CNTFR: variants seen among roughly 807,000 people sequenced by gnomAD.
CNTFR encodes the protein ciliary neurotrophic factor receptor, also known as ciliary neurotrophic factor receptor subunit alpha.
Under a neutral mutation model 40.4 loss-of-function variants are expected in CNTFR, and 12 were observed. The observed-to-expected ratio is 0.30, with a 90% CI of 0.19 to 0.48. The LOEUF (loss-of-function observed/expected upper bound fraction) is 0.48, where lower values mean the gene tolerates loss of function less well. Ranked by LOEUF, CNTFR falls within the 20% of genes least tolerant of loss-of-function variation. The probability of loss-of-function intolerance (pLI) is 0.99; values close to 1 mark genes in which losing one functional copy is unlikely to be tolerated. For missense variants in CNTFR, 414 were observed against 506.8 expected (o/e 0.82, Z 1.76); for synonymous variants, 202 against 209.6 (o/e 0.96, Z 0.31).
At chr9:34,561,114 C>A (rs1345624651) in intron 4 of CNTFR, among the ~76,000 whole-genome samples, 1 of 152,186 alleles carries the variant, frequency 6.6e-6, no homozygotes, top group East Asian at 1.9e-4. Context: ...AAGGCTCAGG[C>A]CTGGCTCAGC....
Position 34,564,599 on chromosome 9 carries a change from A to G in CNTFR, c.319T>C (p.Leu107=), listed in dbSNP as rs1418969169. 7 of 1,607,070 alleles carry G rather than the reference A, an allele frequency of 4.4e-6. No homozygotes were observed. The highest frequency in any genetic ancestry group is 5.9e-6 in the Non-Finnish European group (7 of 1,176,820). The part of the protein sequence containing the change: ...LRHQVLLHVG[L]PPREPVLSCR... Reference sequence around the variant, plus strand: ...GATGAGGGGTGGGGGCAACACTTACAGCCCACATGCAGCAGGACTTGGTGG... The same window carrying G: ...GATGAGGGGTGGGGGCAACACTTACGGCCCACATGCAGCAGGACTTGGTGG... The change falls in exon 4 of 10, where the codon TTG becomes CTG. Residue 107 remains leucine, a splice_region_variant and synonymous_variant. Transcript: ENST00000378980.
chr9:34,578,297 G>A (rs1587165237), intron 2 of CNTFR, among the ~76,000 whole-genome samples: 1 of 152,360 alleles, frequency 6.6e-6, no homozygotes, highest in Middle Eastern at 3.4e-3. Context: ...GCGAGCTAGC[G>A]GAGGGAGAGT....
At chr9:34,574,745 T>C (rs556903108) in intron 2 of CNTFR, among the ~76,000 whole-genome samples, 1 of 152,214 alleles carries the variant, frequency 6.6e-6, no homozygotes, top group East Asian at 1.9e-4. Context: ...TTCCGATGGA[T>C]TTTGGCAGCG....
chr9:34,571,558 G>GCGCA (rs1343239596), intron 2 of CNTFR: 1 of 107,634 alleles, frequency 9.3e-6, no homozygotes, highest in Non-Finnish European at 2.1e-5. Context: ...GCACGCGTGC[G>GCGCA]CATACACACA....
chr9:34,588,779 G>A (rs930900782), intron 1 of CNTFR, among the ~76,000 whole-genome samples: 2 of 152,308 alleles, frequency 1.3e-5, no homozygotes, highest in African/African-American at 4.8e-5. Context: ...GAGAGGGAGA[G>A]CTGTCCGTCT....
chr9:34,585,864 C>T (rs77895026), intron 1 of CNTFR, among the ~76,000 whole-genome samples: 4,347 of 152,286 alleles, frequency 0.029, 170 homozygotes, highest in East Asian at 0.085. Context: ...CATGGTCCCC[C>T]CTAACCCATC....
At chr9:34,553,219 G>A (rs540247586) in intron 7 of CNTFR, among the ~76,000 whole-genome samples, 2 of 152,286 alleles carry the variant, frequency 1.3e-5, no homozygotes, top group Admixed American at 1.3e-4. Context: ...CAGCCTGGAG[G>A]TGGCAAGGGC....
chr9:34,569,105 C>T, intron 2 of CNTFR, 124 bp from the exon 3 acceptor site: 1 of 853,522 alleles, frequency 1.2e-6, no homozygotes, highest in Non-Finnish European at 1.8e-6. Context: ...GAGAGGCCCT[C>T]ACCCGCTCTG....
rs186424653 is a variant in CNTFR at position 34,571,044 on chromosome 9, G to A, written c.1-2063C>T. On this transcript the variant is annotated intron_variant, in intron 2 of 9. Coordinates refer to ENST00000378980, the MANE Select transcript of CNTFR (RefSeq NM_147164.3). ...CTAAGTGGCCCCAGCTACCCTTTGC[G>A]CATCAGTGACTCCTGGAGCCTTAGC... is the stretch of plus-strand genomic sequence containing the variant. Among the ~76,000 whole-genome samples the A allele has an allele frequency of 4.7e-4, 71 of 152,184 alleles. 2 individuals are homozygous for A. The highest frequency in any genetic ancestry group is 3.2e-3 in the Admixed American group (49 of 15,290).
At chr9:34,563,993 C>T (rs937765568) in intron 4 of CNTFR, among the ~76,000 whole-genome samples, 2 of 152,220 alleles carry the variant, frequency 1.3e-5, no homozygotes, top group African/African-American at 4.8e-5. Flanking sequence ...CACATCAACA[C>T]CAGCCCAAGT....
chr9:34,585,939 G>A (rs1264179676), intron 1 of CNTFR, among the ~76,000 whole-genome samples: 1 of 152,212 alleles, frequency 6.6e-6, no homozygotes, highest in Admixed American at 6.5e-5. Context: ...CGCCATGGGG[G>A]GGCAGAGAGC....
At chr9:34,572,577 A>G (rs1475331345) in intron 2 of CNTFR, among the ~76,000 whole-genome samples, 2 of 152,022 alleles carry the variant, frequency 1.3e-5, no homozygotes, top group Non-Finnish European at 2.9e-5. Context: ...GGGTCCCTGC[A>G]CCTCTCCCAG....
chr9:34,553,052 AGGAGG>A (rs1825702013), intron 7 of CNTFR, among the ~76,000 whole-genome samples, 198 bp from the exon 8 acceptor site: 1 of 152,166 alleles, frequency 6.6e-6, no homozygotes, highest in Non-Finnish European at 1.5e-5. Context: ...GAGACTCCAC[AGGAGG>A]GGAGTTGTCC....
intron 4 of CNTFR, among the ~76,000 whole-genome samples, chr9:34,560,769 C>A (rs1374516750): frequency 6.6e-6 from 1 of 152,246 alleles, no homozygotes; most frequent in African/African-American, 2.4e-5. Flanking sequence ...TGACTGTCAG[C>A]CTGTGGCAGG....
Position 34,589,601 on chromosome 9 carries a change from C to A in CNTFR, c.-158G>T, listed in dbSNP as rs564051772. On this transcript the variant is annotated 5_prime_UTR_variant, in exon 1 of 10. Transcript: ENST00000378980. This position sits in a 1 kb window ranked among gnomAD's most constrained non-coding sequence, Gnocchi z 4.4. ...CTTCGCGCCGCGCCTTCCGACCGCC[C>A]CCGGCAGCGAGCGAGGCAGGGAGCG... 6.6e-6 allele frequency: 1 copy of A among 152,406 alleles called. No individual in the cohort carries two copies. The highest frequency in any genetic ancestry group is 1.8e-4 in the South Asian group (1 of 5,646). The allele number at this position is 152,406 out of a possible 1,614,324, so 9.4% of individuals were successfully genotyped here.
intron 1 of CNTFR, among the ~76,000 whole-genome samples, chr9:34,586,986 G>C (rs1334457335): frequency 1.3e-5 from 2 of 152,344 alleles, no homozygotes; most frequent in Admixed American, 6.5e-5. Context: ...CACAATCTTA[G>C]TGTGGATCTG....
rs777328804 is a variant in CNTFR at position 34,564,750 on chromosome 9, C to T, written c.168G>A (p.Thr56=). 53 of 1,614,002 alleles carry T rather than the reference C, an allele frequency of 3.3e-5. No homozygotes were observed. The highest frequency in any genetic ancestry group is 4.0e-5 in the Non-Finnish European group (47 of 1,180,020). The change falls in exon 4 of 10, where the codon ACG becomes ACA. Residue 56 remains threonine, a synonymous_variant. Coordinates refer to ENST00000378980, the MANE Select transcript of CNTFR (RefSeq NM_147164.3). The stretch of plus-strand genomic sequence containing the variant: ...CCAGGTCTGTCCCATTTACCCGCCA[C>T]GTCACCGCAGCATCCCAGTTTGCTG... ...CGTANWDAAV[T]WRVNGTDLAP...
At chr9:34,571,441 TGAG>T (rs1273160970) in intron 2 of CNTFR, 1 of 152,282 alleles carries the variant, frequency 6.6e-6, no homozygotes, top group Non-Finnish European at 1.5e-5. Context: ...GCGGAGTGGC[TGAG>T]GTTAGATCCA....
At position 34,589,054 on chromosome 9, in the gene CNTFR, C is replaced by A. The variant is rs375997843; in HGVS notation, c.-112+501G>T. 6.6e-6 allele frequency among the ~76,000 whole-genome samples: 1 copy of A among 151,808 alleles called. No homozygotes were observed. Among genetic ancestry groups the A allele is most frequent in the Non-Finnish European group, 1.5e-5 (1 of 68,032 alleles). ...CCATGGGGACGCCGACCGACACACA[C>A]ATGCACACACACACGCGCGCGCGGG... On this transcript the variant is annotated intron_variant, in intron 1 of 9. Transcript: ENST00000378980. The surrounding 1 kb of genome is among the most constrained non-coding windows in gnomAD (Gnocchi z 4.4).
Sources: allele counts gnomAD v4.1 joint callset (sites outside exome capture counted in the v4.1 genomes callset), GRCh38; gene constraint gnomAD v4.1.1; non-coding constraint Gnocchi (gnomAD v3.1); transcripts MANE v1.5; gene names NCBI Gene and HGNC (gene_info 2026-07-23, HGNC 2026-07-21).